RALYL: variants seen among roughly 807,000 people sequenced by gnomAD.
RALYL encodes RNA-binding Raly-like protein.
A neutral mutation model predicts 35.1 loss-of-function variants in RALYL; 29 were observed. That is an observed-to-expected ratio of 0.83 (90% CI 0.61 to 1.13). RALYL has a LOEUF of 1.13. Ranked by LOEUF, RALYL falls within the 50% of genes most tolerant of loss-of-function variation. The pLI is 0.00. For synonymous variants in RALYL, 120 were observed against 127.6 expected (o/e 0.94, Z 0.40); for missense variants, 359 against 360.4 (o/e 1.00, Z 0.03).
At chr8:84,767,197 C>A (rs899975579) in intron 2 of RALYL, among the ~76,000 whole-genome samples, 2 of 152,116 alleles carry the variant, frequency 1.3e-5, no homozygotes, top group African/African-American at 4.8e-5. Flanking sequence ...TGGAATAGCA[C>A]CCGTCTCCAT....
At chr8:84,498,210 A>C (rs1298105066) in intron 1 of RALYL, among the ~76,000 whole-genome samples, 1 of 152,018 alleles carries the variant, frequency 6.6e-6, no homozygotes, top group Non-Finnish European at 1.5e-5. Context: ...CAGATGTATA[A>C]ATTTGAAATT....
intron 1 of RALYL, among the ~76,000 whole-genome samples, chr8:84,184,627 G>T (rs1585989553): frequency 6.6e-6 from 1 of 152,242 alleles, no homozygotes; most frequent in South Asian, 2.1e-4. Context: ...TCGTTTTCTA[G>T]ATGTGCGCAA....
intron 1 of RALYL, among the ~76,000 whole-genome samples, chr8:84,313,479 A>C (rs1052926687): frequency 1.3e-5 from 2 of 152,170 alleles, no homozygotes; most frequent in African/African-American, 4.8e-5. Context: ...CATAAGTTCC[A>C]ATTTCAAATC....
chr8:84,826,907 G>A (rs1347242872), intron 4 of RALYL, among the ~76,000 whole-genome samples: 1 of 151,834 alleles, frequency 6.6e-6, no homozygotes, highest in African/African-American at 2.4e-5. Flanking sequence ...AAATCCCAGA[G>A]AAAATCAGAT....
chr8:84,453,257 G>A (rs1371445205), intron 1 of RALYL, among the ~76,000 whole-genome samples: 1 of 151,820 alleles, frequency 6.6e-6, no homozygotes, highest in Non-Finnish European at 1.5e-5. Flanking sequence ...CTATTTAGAA[G>A]CTTAATAGCA....
intron 2 of RALYL, among the ~76,000 whole-genome samples, chr8:84,568,841 A>G (rs1446420379): frequency 1.3e-5 from 2 of 150,958 alleles, no homozygotes; most frequent in Non-Finnish European, 3.0e-5. Flanking sequence ...TGGCTGCATA[A>G]ATGTCTTCTT....
At chr8:84,337,563 TTGAA>T (rs1366633466) in intron 1 of RALYL, among the ~76,000 whole-genome samples, 1 of 152,116 alleles carries the variant, frequency 6.6e-6, no homozygotes, top group African/African-American at 2.4e-5. Context: ...TTTCAGTACA[TTGAA>T]TGAAAGAAAG....
At chr8:84,380,981 CCACCAGTG>C (rs1275096609) in intron 1 of RALYL, among the ~76,000 whole-genome samples, 5 of 151,742 alleles carry the variant, frequency 3.3e-5, no homozygotes, top group African/African-American at 1.2e-4. Flanking sequence ...TTCAGAAGGT[CCACCAGTG>C]CACCAAGAGT....
At chr8:84,343,609 GATTTATTTATTT>G (rs574132680) in intron 1 of RALYL, among the ~76,000 whole-genome samples, 2 of 151,616 alleles carry the variant, frequency 1.3e-5, no homozygotes, top group African/African-American at 4.8e-5. Flanking sequence ...AACACAATAT[GATTTATTTATTT>G]ATTTATTTAT....
chr8:84,800,038 A>G lies in RALYL; in HGVS notation c.333-4732A>G, dbSNP rs561717659. 5.9e-5 allele frequency among the ~76,000 whole-genome samples: 9 copies of G among 152,336 alleles called. No individual in the cohort carries two copies. In the East Asian group the frequency reaches 1.7e-3, roughly 29 times the overall value. On this transcript the variant is annotated intron_variant, in intron 3 of 8. Transcript: ENST00000521268. ...ATATGTTAGCTTAGAGGCATCTACA[A>G]TTAGAGATATTTCGTGGGCAGCTAT...
At chr8:84,892,848 A>C (rs1563821967) in intron 8 of RALYL, among the ~76,000 whole-genome samples, 1 of 152,220 alleles carries the variant, frequency 6.6e-6, no homozygotes, top group Non-Finnish European at 1.5e-5. Flanking sequence ...TATATATTTC[A>C]GTAGTGCATA....
chr8:84,301,569 C>T (rs1179625692), intron 1 of RALYL, among the ~76,000 whole-genome samples: 1 of 151,258 alleles, frequency 6.6e-6, no homozygotes, highest in Non-Finnish European at 1.5e-5. Flanking sequence ...ACAACGTGAT[C>T]TTAATAATCA....
chr8:84,284,867 G>C (rs1837299097), intron 1 of RALYL, among the ~76,000 whole-genome samples: 1 of 152,182 alleles, frequency 6.6e-6, no homozygotes, highest in Non-Finnish European at 1.5e-5. Flanking sequence ...TACAGTGAAG[G>C]ATATAATAAC....
chr8:84,361,702 C>T (rs1853081294), intron 1 of RALYL, among the ~76,000 whole-genome samples: 1 of 151,998 alleles, frequency 6.6e-6, no homozygotes, highest in African/African-American at 2.4e-5. Context: ...GAATCAAAGG[C>T]TGGAGGTAGG....
chr8:84,634,069 TTAAAC>T (rs1298951184), intron 2 of RALYL, among the ~76,000 whole-genome samples: 6 of 152,018 alleles, frequency 3.9e-5, no homozygotes, highest in African/African-American at 7.2e-5. Context: ...AGATCACAGA[TTAAAC>T]TAAGCATCAA....
intron 1 of RALYL, among the ~76,000 whole-genome samples, chr8:84,441,142 C>A (rs952106192): frequency 1.3e-5 from 2 of 151,944 alleles, no homozygotes; most frequent in African/African-American, 4.8e-5. Flanking sequence ...ATGTATAAAA[C>A]AGTCTTTAAA....
chr8:84,887,867 T>C, intron 8 of RALYL, 91 bp downstream of exon 8: 1 of 1,204,662 alleles, frequency 8.3e-7, no homozygotes, highest in Non-Finnish European at 1.2e-6. Flanking sequence ...ATTAAATCAT[T>C]TGGGGCTTAT....
intron 8 of RALYL, among the ~76,000 whole-genome samples, chr8:84,888,641 T>A (rs1016483326): frequency 6.6e-6 from 1 of 152,178 alleles, no homozygotes; most frequent in Non-Finnish European, 1.5e-5. Context: ...TCATGGTGCT[T>A]GTTTTATCAA....
intron 1 of RALYL, among the ~76,000 whole-genome samples, chr8:84,252,960 T>C (rs762948940): frequency 2.0e-5 from 3 of 151,954 alleles, no homozygotes; most frequent in Non-Finnish European, 4.4e-5. Context: ...AATGTGAGAG[T>C]CTTCTCATTT....
Sources: allele counts gnomAD v4.1 joint callset (sites outside exome capture counted in the v4.1 genomes callset), GRCh38; gene constraint gnomAD v4.1.1; transcripts MANE v1.5; gene names NCBI Gene and HGNC (gene_info 2026-07-23, HGNC 2026-07-21).